Variants in LRP5 observed in about 807,000 individuals in gnomAD.
The protein encoded by LRP5 is low-density lipoprotein receptor-related protein 5.
A neutral mutation model predicts 154.1 loss-of-function variants in LRP5; 62 were observed. That is an observed-to-expected ratio of 0.40 (90% CI 0.33 to 0.50). The LOEUF (loss-of-function observed/expected upper bound fraction) is 0.50, where lower values mean the gene tolerates loss of function less well. Among genes scored for constraint, LRP5 ranks in the 20% least tolerant of loss-of-function variants. The probability of loss-of-function intolerance (pLI) is 0.55; values close to 1 mark genes in which losing one functional copy is unlikely to be tolerated. For synonymous variants in LRP5, 966 were observed against 1,011.5 expected (o/e 0.96, Z 0.85); for missense variants, 1,915 against 2,336.7 (o/e 0.82, Z 3.72).
the LRP5 span, among the ~76,000 whole-genome samples, chr11:68,307,155 C>T: frequency 6.6e-6 from 1 of 151,664 alleles, no homozygotes; most frequent in African/African-American, 2.4e-5. Flanking sequence ...GCACTCCAGC[C>T]TGAGCAACAA....
the LRP5 span, among the ~76,000 whole-genome samples, chr11:68,302,303 A>G: frequency 7.0e-6 from 1 of 141,846 alleles, no homozygotes; most frequent in African/African-American, 2.6e-5. Context: ...CTAAGATGGC[A>G]CCACTGTACT....
At position 68,386,848 on chromosome 11, in the gene LRP5, G is replaced by C; in HGVS notation, c.1412+136G>C. On this transcript the variant is annotated intron_variant, in intron 6 of 22. Coordinates refer to ENST00000294304, the MANE Select transcript of LRP5 (RefSeq NM_002335.4). The surrounding 1 kb of genome is among the most constrained non-coding windows in gnomAD (Gnocchi z 7.9). ...AGGAGGGCTTGTTAAAACACCGGCA[G>C]CTGGGCCCCACCCCCAGAGCGGTGA... is the stretch of plus-strand genomic sequence containing the variant. 9.4e-7 allele frequency: 1 copy of C among 1,059,338 alleles called. No individual in the cohort carries two copies. Among genetic ancestry groups the C allele is most frequent in the Non-Finnish European group, 1.3e-6 (1 of 753,324 alleles). 65.6% of individuals were successfully genotyped at this position (1,059,338 alleles called of 1,614,324 possible). A position where few individuals can be genotyped will look rare whatever the true frequency, so the allele number is the denominator to read the frequency against.
At chr11:68,415,024 C>T (rs899753386) in intron 12 of LRP5, among the ~76,000 whole-genome samples, 1 of 152,230 alleles carries the variant, frequency 6.6e-6, no homozygotes, top group South Asian at 2.1e-4. Context: ...GCCGGCAGTA[C>T]CTGGTGCAAC....
At chr11:68,330,167 C>T (rs1234739179) in intron 1 of LRP5, among the ~76,000 whole-genome samples, 1 of 152,166 alleles carries the variant, frequency 6.6e-6, no homozygotes, top group African/African-American at 2.4e-5. Context: ...GAGATACATG[C>T]CTTCTGGGGA....
In LRP5 at chr11:68,350,846, G is replaced by A. The variant is rs1046575985; in HGVS notation, c.488+2603G>A. The stretch of plus-strand genomic sequence containing the variant: ...CAACAGGTTTGTGTGAGAGCCAGGC[G>A]TGTGTGTGTCTGAGCAACTGAGTGT... On this transcript the variant is annotated intron_variant, in intron 2 of 22. Coordinates refer to ENST00000294304, the MANE Select transcript of LRP5 (RefSeq NM_002335.4). Among the ~76,000 whole-genome samples, 10 of 152,252 alleles carry A rather than the reference G, an allele frequency of 6.6e-5. No homozygotes were observed. In the South Asian group the frequency reaches 1.9e-3, roughly 28 times the overall value.
chr11:68,419,674 C>G (rs1383265868), intron 13 of LRP5, among the ~76,000 whole-genome samples: 1 of 151,806 alleles, frequency 6.6e-6, no homozygotes, highest in Non-Finnish European at 1.5e-5. Context: ...TCCCGAGTAG[C>G]TGGGATTACA....
chr11:68,300,038 A>G, the LRP5 span, among the ~76,000 whole-genome samples: 1 of 145,814 alleles, frequency 6.9e-6, no homozygotes, highest in East Asian at 1.9e-4. Flanking sequence ...GCTAGCCACC[A>G]TGCCCAGTTA....
chr11:68,354,932 G>A (rs1221403790), intron 2 of LRP5, among the ~76,000 whole-genome samples: 5 of 152,240 alleles, frequency 3.3e-5, no homozygotes, highest in South Asian at 2.1e-4. Flanking sequence ...CCACGGGGCC[G>A]GAGGAGCAGG....
At chr11:68,318,631 G>C (rs556706620) in intron 1 of LRP5, among the ~76,000 whole-genome samples, 1 of 152,190 alleles carries the variant, frequency 6.6e-6, no homozygotes, top group Non-Finnish European at 1.5e-5. Flanking sequence ...GAGCCACTGC[G>C]CTGGGCCTTA....
chr11:68,327,869 A>G (rs1207921351), intron 1 of LRP5, among the ~76,000 whole-genome samples: 1 of 152,198 alleles, frequency 6.6e-6, no homozygotes, highest in Non-Finnish European at 1.5e-5. Flanking sequence ...TGCTTGGTGG[A>G]AGAGTTCACC....
At chr11:68,402,185 A>G (rs1300364442) in intron 7 of LRP5, among the ~76,000 whole-genome samples, 3 of 152,134 alleles carry the variant, frequency 2.0e-5, no homozygotes, top group Non-Finnish European at 2.9e-5. Flanking sequence ...TGTCTCTTTC[A>G]TCCTGTCCTG....
chr11:68,421,379 G>T (rs1437553972), intron 13 of LRP5, among the ~76,000 whole-genome samples: 1 of 152,188 alleles, frequency 6.6e-6, no homozygotes, highest in Non-Finnish European at 1.5e-5. Context: ...ACGTTTCTCA[G>T]ATGGTGGTTC....
chr11:68,397,931 G>A (rs2098650341), intron 7 of LRP5, among the ~76,000 whole-genome samples: 1 of 150,198 alleles, frequency 6.7e-6, no homozygotes, highest in Non-Finnish European at 1.5e-5. Context: ...TCTGGGGAGA[G>A]GCTATATCCC....
At chr11:68,344,856 T>C (rs2098611531) in intron 1 of LRP5, among the ~76,000 whole-genome samples, 12 of 108,930 alleles carry the variant, frequency 1.1e-4, no homozygotes, top group African/African-American at 5.8e-4. Flanking sequence ...TCTCTTTTTT[T>C]TTTTTTTTTT....
In LRP5 at chr11:68,425,539, G is replaced by A. The variant is rs566779803; in HGVS notation, c.3427+247G>A. 1.8e-4 allele frequency among the ~76,000 whole-genome samples: 27 copies of A among 152,364 alleles called. No individual in the cohort carries two copies. In the South Asian group the frequency reaches 5.6e-3, roughly 32 times the overall value. On this transcript the variant is annotated intron_variant, in intron 15 of 22. Coordinates refer to ENST00000294304, the MANE Select transcript of LRP5 (RefSeq NM_002335.4). Reference sequence around the variant, plus strand: ...GCTTGGGGCCCCACAGCAGGAGATGGAGCAGGACTGCAGCCTAGCCTCTGC... The same window carrying A: ...GCTTGGGGCCCCACAGCAGGAGATGAAGCAGGACTGCAGCCTAGCCTCTGC...
chr11:68,395,491 A>T (rs660925), intron 7 of LRP5, among the ~76,000 whole-genome samples: 1 of 151,686 alleles, frequency 6.6e-6, no homozygotes. Flanking sequence ...GTGATGGCGC[A>T]GGGCACGGGT....
At chr11:68,320,516 C>T (rs1215860090) in intron 1 of LRP5, among the ~76,000 whole-genome samples, 1 of 147,520 alleles carries the variant, frequency 6.8e-6, no homozygotes, top group Admixed American at 6.9e-5. Context: ...AGTGCAGTGG[C>T]GCGATTGCCA....
chr11:68,391,031 G>A (rs145455807), intron 7 of LRP5, among the ~76,000 whole-genome samples: 19,514 of 152,178 alleles, frequency 0.13, 1,701 homozygotes, highest in Admixed American at 0.27. Context: ...GCAGTGGCGC[G>A]ATCTCAGCTC....
intron 5 of LRP5, among the ~76,000 whole-genome samples, chr11:68,382,295 C>G (rs1339923658): frequency 6.6e-6 from 1 of 152,184 alleles, no homozygotes; most frequent in Non-Finnish European, 1.5e-5. Flanking sequence ...TACCAGAGGG[C>G]TAGGGCTGGG....
Sources: gnomAD v4.1 joint callset for allele counts (sites outside exome capture counted in the v4.1 genomes callset) on GRCh38, gnomAD v4.1.1 for gene constraint, Gnocchi (gnomAD v3.1) non-coding constraint, MANE v1.5 for transcripts, NCBI Gene and HGNC (gene_info 2026-07-23, HGNC 2026-07-21) for gene names.